Variants in DST observed in about 807,000 individuals in gnomAD.
The protein encoded by DST is dystonin.
In DST, 253 loss-of-function variants were observed where a neutral mutation model predicts 875.2. The observed-to-expected ratio is 0.29, with a 90% CI of 0.26 to 0.32. DST has a LOEUF of 0.32. Ranked by LOEUF, DST falls within the 10% of genes least tolerant of loss-of-function variation. DST has a pLI of 1.00. For missense variants in DST, 8,287 were observed against 9,111.6 expected (o/e 0.91, Z 3.68); for synonymous variants, 3,124 against 3,197.1 (o/e 0.98, Z 0.77).
intron 4 of DST, among the ~76,000 whole-genome samples, chr6:56,737,256 AAATAAT>A (rs1169738946): frequency 6.6e-6 from 1 of 152,196 alleles, no homozygotes; most frequent in Non-Finnish European, 1.5e-5. Flanking sequence ...CACTAACAAA[AAATAAT>A]AATATAAAGT....
rs73465858 is a variant in DST at position 56,500,273 on chromosome 6, T to A, written c.19896+807A>T. On this transcript the variant is annotated intron_variant, in intron 80 of 103. Coordinates refer to ENST00000680361, the MANE Select transcript of DST (RefSeq NM_001374736.1). ...ATCACTATTAATGTGAATGTCAAAG[T>A]CTATGAAAGATTGTTGAATGCCAGG... Among the ~76,000 whole-genome samples, 494 of 152,208 alleles carry A rather than the reference T, an allele frequency of 3.2e-3. 4 individuals carry two copies. Among genetic ancestry groups the A allele is most frequent in the African/African-American group, 0.012 (480 of 41,562 alleles).
intron 50 of DST, among the ~76,000 whole-genome samples, chr6:56,578,555 G>C (rs973325339): frequency 1.3e-5 from 2 of 152,082 alleles, no homozygotes; most frequent in Non-Finnish European, 2.9e-5. Flanking sequence ...ACATTACATA[G>C]CGAGTTCCTG....
chr6:56,634,101 A>G, intron 27 of DST, 31 bp downstream of exon 27: 1 of 1,611,932 alleles, frequency 6.2e-7, no homozygotes, highest in Non-Finnish European at 8.5e-7. Flanking sequence ...ATTTTTGGAC[A>G]TATCGAGTTG....
Position 56,640,287 on chromosome 6 carries a change from T to G in DST, c.2346A>C (p.Val782=), listed in dbSNP as rs1305616353. The G allele has an allele frequency of 2.3e-5, 37 of 1,614,082 alleles. No individual in the cohort carries two copies. Among genetic ancestry groups the G allele is most frequent in the Non-Finnish European group, 3.1e-5 (37 of 1,180,030 alleles). Residue 782 remains valine (V), a synonymous_variant, in exon 18 of 104, where the codon GTA becomes GTC. Transcript: ENST00000680361. Reference sequence around the variant, plus strand: ...TCAAAGTTTGCAATGAATTTGGCTCTACTCCTGAACTGAAATTTGGAACTA... The same window carrying G: ...TCAAAGTTTGCAATGAATTTGGCTCGACTCCTGAACTGAAATTTGGAACTA... ...SGLVPNFSSG[V]EPNSLQTLKL...
At chr6:56,583,404 G>A (rs981160691) in intron 49 of DST, among the ~76,000 whole-genome samples, 1 of 152,158 alleles carries the variant, frequency 6.6e-6, no homozygotes, top group East Asian at 1.9e-4. Flanking sequence ...CTTTTGAGAA[G>A]TGTCTGTTCA....
chr6:56,608,855 T>C lies in DST; in HGVS notation c.5773A>G (p.Thr1925Ala). ...NMCKDLIDPC[T>A]SEKVSLIDMV... ...TCTATTAAAGAAACCTTCTCAGAGG[T>C]GCAGGGGTCAATAAGATCTTTGCAC... is the stretch of plus-strand genomic sequence containing the variant. Residue 1925 changes from threonine to alanine, a missense_variant, in exon 40 of 104, where the codon ACC becomes GCC. By Grantham distance (58) the Thr-to-Ala change is moderately conservative. Around this residue, in one of 10 missense-constraint regions of DST, gnomAD observed 3,138 missense variants for 3,116.6 expected, o/e 1.01. Coordinates refer to ENST00000680361, the MANE Select transcript of DST (RefSeq NM_001374736.1). The C allele has an allele frequency of 6.2e-7, 1 of 1,613,258 alleles. No homozygotes were observed. Among genetic ancestry groups the C allele is most frequent in the Non-Finnish European group, 8.5e-7 (1 of 1,179,582 alleles).
chr6:56,614,377 T>A lies in DST; in HGVS notation c.5037A>T (p.Lys1679Asn). Reference sequence around the variant, plus strand: ...ATACCTTTTGCTTAGAGAAGGGAGGTTTTCCAGCCTTCTCTGCATCTTTCA... The same window carrying A: ...ATACCTTTTGCTTAGAGAAGGGAGGATTTCCAGCCTTCTCTGCATCTTTCA... ...KTLKDAEKAG[K>N]PPFSKQKISS... The change falls in exon 37 of 104, where the codon AAA becomes AAT. Residue 1679 changes from lysine to asparagine, a missense_variant. By Grantham distance (94) the Lys-to-Asn change is moderately conservative (BLOSUM62 0). Coordinates refer to ENST00000680361, the MANE Select transcript of DST (RefSeq NM_001374736.1). 1 of 1,603,634 alleles carries A rather than the reference T, an allele frequency of 6.2e-7. No individual in the cohort carries two copies. The highest frequency in any genetic ancestry group is 8.5e-7 in the Non-Finnish European group (1 of 1,175,186).
At chr6:56,947,412 A>T (rs13212013) in intron 2 of DST, among the ~76,000 whole-genome samples, 19,390 of 151,934 alleles carry the variant, frequency 0.13, 1,446 homozygotes, top group Middle Eastern at 0.2. Flanking sequence ...CACCACACCC[A>T]GCTAATTTTT....
rs1390937198 is a variant in DST, at chr6:56,504,090, A to C, written c.19473T>G (p.Phe6491Leu). Reference protein sequence around the residue: ...VQYQDGLQAVFDWVDIAGGKL... With the variant: ...VQYQDGLQAVLDWVDIAGGKL... Reference sequence around the variant, plus strand: ...TACCACCTGCAATATCTACCCAGTCAAATACCGCCTGAAAGACACATTCGC... The same window carrying C: ...TACCACCTGCAATATCTACCCAGTCCAATACCGCCTGAAAGACACATTCGC... Residue 6491 changes from phenylalanine to leucine, a missense_variant, in exon 78 of 104, where the codon TTT becomes TTG. By Grantham distance (22) the Phe-to-Leu change is conservative. Coordinates refer to ENST00000680361, the MANE Select transcript of DST (RefSeq NM_001374736.1). The C allele has an allele frequency of 6.2e-7, 1 of 1,607,710 alleles. No homozygotes were observed. The highest frequency in any genetic ancestry group is 1.7e-5 in the Admixed American group (1 of 58,934).
Position 56,470,149 on chromosome 6 carries a change from A to G in DST, c.22455T>C (p.Asp7485=), listed in dbSNP as rs766194072. Residue 7485 remains aspartate, a synonymous_variant, in exon 96 of 104, where the codon GAT becomes GAC. Transcript: ENST00000680361. The part of the protein sequence containing the change: ...PNKDAYKPIT[D]ADKIEDEVTR... Reference sequence around the variant, plus strand: ...GTACCTCATCTTCGATTTTGTCGGCATCTGTGATAGGTTTATATGCATCTT... The same window carrying G: ...GTACCTCATCTTCGATTTTGTCGGCGTCTGTGATAGGTTTATATGCATCTT... 1.5e-5 allele frequency: 24 copies of G among 1,612,638 alleles called. No homozygotes were observed. The highest frequency in any genetic ancestry group is 2.0e-5 in the Non-Finnish European group (23 of 1,179,196).
At chr6:56,780,534 G>C (rs2099691049) in intron 4 of DST, among the ~76,000 whole-genome samples, 1 of 152,086 alleles carries the variant, frequency 6.6e-6, no homozygotes, top group Non-Finnish European at 1.5e-5. Flanking sequence ...CTTTTGAGAA[G>C]TGTCTGTTCA....
intron 4 of DST, among the ~76,000 whole-genome samples, chr6:56,761,467 T>C (rs929940627): frequency 2.0e-5 from 3 of 152,228 alleles, no homozygotes; most frequent in African/African-American, 7.2e-5. Context: ...GGTGCAAAAG[T>C]AATTGTGGTT....
chr6:56,793,089 AAAAAAAAAAAGC>A (rs1266466906), intron 4 of DST, among the ~76,000 whole-genome samples: 1 of 145,940 alleles, frequency 6.9e-6, no homozygotes, highest in African/African-American at 2.7e-5. Flanking sequence ...AAAAAAAAAA[AAAAAAAAAAAGC>A]AAAAGGTTAG....
chr6:56,721,063 C>CG (rs1554670043), intron 5 of DST, among the ~76,000 whole-genome samples: 1 of 148,960 alleles, frequency 6.7e-6, no homozygotes, highest in African/African-American at 2.5e-5. Flanking sequence ...CGGGCAGGGG[C>CG]GCCCCCCCCA....
At chr6:56,591,078 T>G (rs2098264671) in intron 49 of DST, among the ~76,000 whole-genome samples, 1 of 152,266 alleles carries the variant, frequency 6.6e-6, no homozygotes, top group Non-Finnish European at 1.5e-5. Context: ...AACCTACTAT[T>G]ATTAACCTGT....
chr6:56,615,938 T>C, intron 36 of DST: 4 of 1,614,256 alleles, frequency 2.5e-6, no homozygotes, highest in Non-Finnish European at 2.5e-6. Flanking sequence ...AAACCCCTCA[T>C]CAACCAGGCC....
At chr6:56,487,986 G>A (rs573543649) in intron 86 of DST, among the ~76,000 whole-genome samples, 10 of 152,240 alleles carry the variant, frequency 6.6e-5, no homozygotes, top group Non-Finnish European at 1.3e-4. Flanking sequence ...TACCTAAGAA[G>A]TTTTTACGGC....
chr6:56,710,372 T>C (rs149824157), intron 5 of DST, among the ~76,000 whole-genome samples: 105 of 152,276 alleles, frequency 6.9e-4, no homozygotes, highest in African/African-American at 2.5e-3. Flanking sequence ...ATCAGCTATC[T>C]TTAGAAAGAA....
At position 56,476,174 on chromosome 6, in the gene DST, A is replaced by C. The variant is rs2095180851; in HGVS notation, c.21839T>G (p.Val7280Gly). The C allele has an allele frequency of 6.2e-7, 1 of 1,611,368 alleles. No homozygotes were observed. The highest frequency in any genetic ancestry group is 1.7e-5 in the Admixed American group (1 of 59,644). ...KEVIPQEIEE[V>G]KALIAEHQTF... ...CTGGTGTTCTGCAATGAGTGCTTTC[A>C]CCTCTTCGATCTCCTGGGGGATGAC... The change falls in exon 92 of 104, where the codon GTG becomes GGG. Residue 7280 changes from valine to glycine, a missense_variant. Physicochemically the swap from Val to Gly is moderately radical, Grantham distance 109. Coordinates refer to ENST00000680361, the MANE Select transcript of DST (RefSeq NM_001374736.1).
Sources: gnomAD v4.1 joint callset for allele counts (sites outside exome capture counted in the v4.1 genomes callset) on GRCh38, gnomAD v4.1.1 for gene constraint, gnomAD v4.1.1 regional missense constraint, MANE v1.5 for transcripts, NCBI Gene and HGNC (gene_info 2026-07-23, HGNC 2026-07-21) for gene names.